PPM1L: variants seen among roughly 807,000 people sequenced by gnomAD.
PPM1L encodes the protein protein phosphatase 1L.
PPM1L carries 13 observed loss-of-function variants against 31.4 expected under a neutral mutation model. The observed-to-expected ratio is 0.41, with a 90% confidence interval of 0.27 to 0.66. The LOEUF (loss-of-function observed/expected upper bound fraction) is 0.66, where lower values mean the gene tolerates loss of function less well. Among genes scored for constraint, PPM1L ranks in the 30% least tolerant of loss-of-function variants. The probability of loss-of-function intolerance (pLI) is 0.29; values close to 1 mark genes in which losing one functional copy is unlikely to be tolerated. For synonymous variants in PPM1L, 184 were observed against 175.4 expected (o/e 1.05, Z -0.39); for missense variants, 326 against 453.7 (o/e 0.72, Z 2.56).
intron 1 of PPM1L, among the ~76,000 whole-genome samples, chr3:160,872,366 C>G (rs1440078314): frequency 2.0e-5 from 3 of 152,110 alleles, no homozygotes; most frequent in Non-Finnish European, 4.4e-5. Context: ...CCTCTTTCAT[C>G]CCTTTAAAAC....
chr3:160,773,949 G>C (rs190359307), intron 1 of PPM1L, among the ~76,000 whole-genome samples: 1 of 152,030 alleles, frequency 6.6e-6, no homozygotes, highest in Non-Finnish European at 1.5e-5. Context: ...TTCAAGAAGG[G>C]CTGTGCTCAG....
At chr3:160,763,068 A>G (rs1022124865) in intron 1 of PPM1L, among the ~76,000 whole-genome samples, 6 of 152,186 alleles carry the variant, frequency 3.9e-5, no homozygotes, top group African/African-American at 1.4e-4. Context: ...ATGATTCTAA[A>G]AAGATTTATC....
At chr3:160,818,318 G>A (rs1713056098) in intron 1 of PPM1L, among the ~76,000 whole-genome samples, 1 of 152,102 alleles carries the variant, frequency 6.6e-6, no homozygotes, top group Admixed American at 6.6e-5. Flanking sequence ...GTCGGACATG[G>A]TTTCTATGAA....
At chr3:160,761,801 A>C (rs1431394991) in intron 1 of PPM1L, among the ~76,000 whole-genome samples, 1 of 152,204 alleles carries the variant, frequency 6.6e-6, no homozygotes, top group Non-Finnish European at 1.5e-5. Context: ...TGAAGGTGAA[A>C]GGTGCATCTC....
intron 1 of PPM1L, among the ~76,000 whole-genome samples, chr3:160,780,251 T>C (rs17826352): frequency 0.049 from 7,398 of 152,244 alleles, 196 homozygotes; most frequent in South Asian, 0.063. Context: ...ATCTAGCAAA[T>C]AGAAAGTGCT....
Position 160,986,041 on chromosome 3 carries a change from T to C in PPM1L, c.574+24131T>C, listed in dbSNP as rs150010559. Among the ~76,000 whole-genome samples, 584 of 151,908 alleles carry C rather than the reference T, an allele frequency of 3.8e-3. 4 individuals are homozygous for C. The highest frequency in any genetic ancestry group is 0.013 in the African/African-American group (543 of 41,446). On this transcript the variant is annotated intron_variant, in intron 2 of 3. Coordinates refer to ENST00000498165, the MANE Select transcript of PPM1L (RefSeq NM_139245.4). ...TCAGGGTAGATAGAACAATTTTTAA[T>C]GATGTATTATATAGTAAAAACTAGT...
intron 1 of PPM1L, among the ~76,000 whole-genome samples, chr3:160,920,615 T>TCTCA (rs1389629070): frequency 2.6e-3 from 74 of 28,702 alleles, no homozygotes; most frequent in Admixed American, 0.013. Flanking sequence ...TCTCTCTCTC[T>TCTCA]CACACACACA....
At chr3:160,953,592 C>A (rs554606200) in intron 1 of PPM1L, among the ~76,000 whole-genome samples, 1 of 152,260 alleles carries the variant, frequency 6.6e-6, no homozygotes, top group South Asian at 2.1e-4. Flanking sequence ...TACTTGTGAT[C>A]TTTTTCTAAT....
intron 1 of PPM1L, among the ~76,000 whole-genome samples, chr3:160,937,858 T>C (rs1382950485): frequency 2.0e-5 from 3 of 152,220 alleles, no homozygotes; most frequent in African/African-American, 7.2e-5. Context: ...TCTAAGTGTA[T>C]GTGTTTTAAT....
chr3:161,044,346 G>GTATTTATTTATTTATTTATT (rs66461506), intron 2 of PPM1L, among the ~76,000 whole-genome samples: 1 of 143,268 alleles, frequency 7.0e-6, no homozygotes, highest in African/African-American at 2.6e-5. Context: ...GGCCTGCCCT[G>GTATTTATTTATTTATTTATT]TATTTATTTA....
At chr3:160,951,229 T>C (rs971024912) in intron 1 of PPM1L, among the ~76,000 whole-genome samples, 2 of 152,212 alleles carry the variant, frequency 1.3e-5, no homozygotes, top group African/African-American at 4.8e-5. Context: ...AACATAGATG[T>C]GTATTTGTGC....
chr3:160,962,292 T>C (rs1254244157), intron 2 of PPM1L, among the ~76,000 whole-genome samples: 1 of 152,120 alleles, frequency 6.6e-6, no homozygotes, highest in African/African-American at 2.4e-5. Context: ...AGGTATTTTT[T>C]TTTCTCAAAC....
intron 1 of PPM1L, among the ~76,000 whole-genome samples, chr3:160,850,070 C>G (rs1714217411): frequency 6.6e-6 from 1 of 152,190 alleles, no homozygotes; most frequent in African/African-American, 2.4e-5. Flanking sequence ...AGACACTGAT[C>G]ACAAGTCCAG....
chr3:160,826,880 A>T (rs1713368726), intron 1 of PPM1L, among the ~76,000 whole-genome samples: 1 of 152,218 alleles, frequency 6.6e-6, no homozygotes, highest in Admixed American at 6.5e-5. Flanking sequence ...AATTTGATGA[A>T]GAGGCTGTAG....
chr3:160,804,396 T>C (rs1326662144), intron 1 of PPM1L, among the ~76,000 whole-genome samples: 1 of 152,214 alleles, frequency 6.6e-6, no homozygotes, highest in Non-Finnish European at 1.5e-5. Context: ...GAGAATCCCA[T>C]TTCCATATCT....
At chr3:160,909,872 G>A (rs1713894718) in intron 1 of PPM1L, among the ~76,000 whole-genome samples, 1 of 152,180 alleles carries the variant, frequency 6.6e-6, no homozygotes, top group African/African-American at 2.4e-5. Flanking sequence ...GCCCATGTGG[G>A]TGGGTTGAGG....
At chr3:160,757,348 AG>A (rs1480110376) in intron 1 of PPM1L, among the ~76,000 whole-genome samples, 1 of 152,248 alleles carries the variant, frequency 6.6e-6, no homozygotes, top group African/African-American at 2.4e-5. Context: ...AGCGGGACCT[AG>A]ATGTCCCTGG....
intron 1 of PPM1L, among the ~76,000 whole-genome samples, chr3:160,792,374 C>A (rs548822826): frequency 2.0e-5 from 3 of 151,982 alleles, no homozygotes; most frequent in Non-Finnish European, 4.4e-5. Flanking sequence ...GATTTGGTAG[C>A]TTAGAATTCA....
chr3:160,809,801 T>C (rs1006939906), intron 1 of PPM1L, among the ~76,000 whole-genome samples: 3 of 152,146 alleles, frequency 2.0e-5, no homozygotes, highest in African/African-American at 7.2e-5. Flanking sequence ...TCCTGTGTTT[T>C]GGTACTTTTT....
Sources: gnomAD v4.1 joint callset for allele counts (sites outside exome capture counted in the v4.1 genomes callset) on GRCh38, gnomAD v4.1.1 for gene constraint, MANE v1.5 for transcripts, NCBI Gene and HGNC (gene_info 2026-07-23, HGNC 2026-07-21) for gene names.